MGAT4C: variants seen among roughly 807,000 people sequenced by gnomAD.
MGAT4C encodes MGAT4 family member C, also known as alpha-1,3-mannosyl-glycoprotein 4-beta-N-acetylglucosaminyltransferase C.
Under a neutral mutation model 40.1 loss-of-function variants are expected in MGAT4C, and 19 were observed. That is an observed-to-expected ratio of 0.47 (90% confidence interval 0.33 to 0.70). The LOEUF (loss-of-function observed/expected upper bound fraction) is 0.70. Among genes scored for constraint, MGAT4C ranks in the 30% least tolerant of loss-of-function variants. The probability of loss-of-function intolerance (pLI) is 0.02; values close to 1 mark genes in which losing one functional copy is unlikely to be tolerated. For missense variants in MGAT4C, 491 were observed against 563.2 expected, an observed-to-expected ratio of 0.87 and a Z score of 1.30; for synonymous variants, 181 against 187.1, an observed-to-expected ratio of 0.97 and a Z score of 0.27.
At chr12:86,211,519 G>A (rs1276499744) in intron 1 of MGAT4C, among the ~76,000 whole-genome samples, 8 of 151,348 alleles carry the variant, frequency 5.3e-5, no homozygotes, top group East Asian at 2.0e-4. Flanking sequence ...ACCGAGAGGC[G>A]GAGCTTGCAG....
chr12:86,125,348 G>C (rs1253504627), intron 1 of MGAT4C, among the ~76,000 whole-genome samples: 1 of 152,044 alleles, frequency 6.6e-6, no homozygotes, highest in East Asian at 1.9e-4. Context: ...CCCACACAGG[G>C]AAAAAAGGTA....
chr12:86,155,937 G>A (rs1467042423), intron 1 of MGAT4C, among the ~76,000 whole-genome samples: 1 of 152,080 alleles, frequency 6.6e-6, no homozygotes, highest in African/African-American at 2.4e-5. Context: ...TGTTGCTATT[G>A]TGTAAATATG....
In MGAT4C at chr12:86,489,853, C is replaced by T. The variant is rs186951558; in HGVS notation, c.-228-54588G>A. 4.0e-3 allele frequency among the ~76,000 whole-genome samples: 602 copies of T among 151,946 alleles called. 4 individuals are homozygous for T. The highest frequency in any genetic ancestry group is 0.013 in the African/African-American group (552 of 41,422). On this transcript the variant is annotated intron_variant, in intron 2 of 7. Coordinates refer to the MGAT4C transcript ENST00000548651. ...GGAAGATGAAATGAATGAAATGAAG[C>T]GAGAAGGGAAGTTTAGAGAAAAAAG...
chr12:86,760,821 T>C (rs774636337), intron 1 of MGAT4C, among the ~76,000 whole-genome samples: 7 of 152,198 alleles, frequency 4.6e-5, no homozygotes, highest in Admixed American at 2.6e-4. Flanking sequence ...AAAGTAATTA[T>C]GTGGAATGAA....
chr12:86,802,621 C>G (rs984650912), intron 1 of MGAT4C, among the ~76,000 whole-genome samples: 46 of 151,498 alleles, frequency 3.0e-4, no homozygotes, highest in Non-Finnish European at 3.1e-4. Flanking sequence ...ACACCAACAA[C>G]AGACAAACAG....
intron 2 of MGAT4C, among the ~76,000 whole-genome samples, chr12:86,586,881 A>G (rs934924666): frequency 6.6e-6 from 1 of 151,498 alleles, no homozygotes; most frequent in Non-Finnish European, 1.5e-5. Context: ...GGTTGCGAAA[A>G]TTTTCTCCCA....
intron 1 of MGAT4C, among the ~76,000 whole-genome samples, chr12:86,181,009 G>A (rs1172784526): frequency 2.6e-5 from 4 of 152,112 alleles, no homozygotes; most frequent in African/African-American, 9.7e-5. Context: ...GAATTCCCAC[G>A]TGTTGCAAGA....
In MGAT4C at chr12:86,774,388, C is replaced by T. The variant is rs1201668773; in HGVS notation, c.-261-47147G>A. Among the ~76,000 whole-genome samples the T allele has an allele frequency of 7.7e-5, 7 of 90,896 alleles. 1 individual carries two copies. The highest frequency in any genetic ancestry group is 1.6e-4 in the Admixed American group (1 of 6,342). 59.6% of individuals were successfully genotyped at this position (90,896 alleles called of 152,430 possible). On this transcript the variant is annotated intron_variant, in intron 1 of 7. Transcript: ENST00000548651. The stretch of plus-strand genomic sequence containing the variant: ...TCTCTCTCTTTCTGTCTGTCTCTCT[C>T]TCTCTCTCCTCTCTCTCTCTCTCTC...
At chr12:86,818,342 A>C (rs1199337748) in intron 1 of MGAT4C, among the ~76,000 whole-genome samples, 1 of 151,300 alleles carries the variant, frequency 6.6e-6, no homozygotes, top group Non-Finnish European at 1.5e-5. Context: ...AGAAATTAAA[A>C]AGACATTAAA....
At chr12:86,732,407 T>A (rs1033957326) in intron 1 of MGAT4C, among the ~76,000 whole-genome samples, 4 of 152,194 alleles carry the variant, frequency 2.6e-5, no homozygotes, top group Admixed American at 2.6e-4. Flanking sequence ...TACATTGTAA[T>A]ACATAATGAA....
intron 1 of MGAT4C, among the ~76,000 whole-genome samples, chr12:86,813,021 G>C (rs958312431): frequency 5.3e-5 from 8 of 152,010 alleles, no homozygotes; most frequent in African/African-American, 1.7e-4. Flanking sequence ...TGCCTGCAAG[G>C]CTTCTTCTGT....
intron 2 of MGAT4C, among the ~76,000 whole-genome samples, chr12:86,664,123 G>A (rs1259681759): frequency 2.0e-5 from 3 of 149,514 alleles, no homozygotes; most frequent in Non-Finnish European, 4.4e-5. Flanking sequence ...ATCTGGCATT[G>A]CACAGTCAAT....
intron 1 of MGAT4C, among the ~76,000 whole-genome samples, chr12:86,106,312 G>C (rs1418649532): frequency 6.6e-6 from 1 of 151,906 alleles, no homozygotes; most frequent in African/African-American, 2.4e-5. Flanking sequence ...GGTTAGTTTA[G>C]TGTTGTTTCT....
At chr12:86,540,506 G>T (rs1201925001) in intron 2 of MGAT4C, among the ~76,000 whole-genome samples, 1 of 152,184 alleles carries the variant, frequency 6.6e-6, no homozygotes, top group Non-Finnish European at 1.5e-5. Flanking sequence ...GTGAGGCCGA[G>T]ACATGCAGAT....
At chr12:86,695,042 A>G (rs929376277) in intron 2 of MGAT4C, among the ~76,000 whole-genome samples, 1 of 152,236 alleles carries the variant, frequency 6.6e-6, no homozygotes, top group African/African-American at 2.4e-5. Context: ...AATAAACAGA[A>G]TATATAAGCA....
intron 4 of MGAT4C, among the ~76,000 whole-genome samples, chr12:86,329,200 T>A (rs893798437): frequency 2.8e-4 from 42 of 151,788 alleles, no homozygotes; most frequent in Non-Finnish European, 5.9e-4. Flanking sequence ...AACACACTTG[T>A]TAGAGTTACA....
At chr12:86,400,092 T>A (rs1471964381) in intron 3 of MGAT4C, among the ~76,000 whole-genome samples, 6 of 152,162 alleles carry the variant, frequency 3.9e-5, no homozygotes, top group Non-Finnish European at 2.9e-5. Flanking sequence ...AGTGTCAGAA[T>A]GAACTGGAGG....
chr12:86,216,889 T>A (rs1182514739), intron 1 of MGAT4C, among the ~76,000 whole-genome samples: 2 of 152,194 alleles, frequency 1.3e-5, no homozygotes, highest in African/African-American at 2.4e-5. Flanking sequence ...ATTACAAATT[T>A]TTTTTCAGGA....
intron 2 of MGAT4C, among the ~76,000 whole-genome samples, chr12:86,560,604 T>C (rs1959816457): frequency 6.6e-6 from 1 of 152,072 alleles, no homozygotes; most frequent in Admixed American, 6.6e-5. Context: ...CATGATAAAG[T>C]TTCTGGGCAA....
Sources: allele counts gnomAD v4.1 joint callset (sites outside exome capture counted in the v4.1 genomes callset), GRCh38; gene constraint gnomAD v4.1.1; transcripts MANE v1.5; gene names NCBI Gene and HGNC (gene_info 2026-07-23, HGNC 2026-07-21).